LAMA1: variants seen among roughly 807,000 people sequenced by gnomAD.
The protein encoded by LAMA1 is laminin subunit alpha-1.
LAMA1 carries 219 observed loss-of-function variants against 348.7 expected under a neutral mutation model. That is an observed-to-expected ratio of 0.63 (90% confidence interval 0.56 to 0.70). The LOEUF (loss-of-function observed/expected upper bound fraction) is 0.70, where lower values mean the gene tolerates loss of function less well. Among genes scored for constraint, LAMA1 ranks in the 30% least tolerant of loss-of-function variants. The pLI is 0.00. For missense variants in LAMA1, 3,744 were observed against 3,888.0 expected, an observed-to-expected ratio of 0.96 and a Z score of 0.99; for synonymous variants, 1,487 against 1,491.0, an observed-to-expected ratio of 1.00 and a Z score of 0.06.
intron 3 of LAMA1, among the ~76,000 whole-genome samples, chr18:7,076,204 G>A (rs2058167686): frequency 6.6e-6 from 1 of 152,200 alleles, no homozygotes; most frequent in Non-Finnish European, 1.5e-5. Flanking sequence ...GTGTAGCCAT[G>A]CTGTAGATCT....
intron 3 of LAMA1, among the ~76,000 whole-genome samples, chr18:7,054,152 C>T (rs2058072642): frequency 6.6e-6 from 1 of 152,144 alleles, no homozygotes. Context: ...TTGGATTCCA[C>T]TTTCATGTAA....
Position 7,034,540 on chromosome 18 carries a change from C to G in LAMA1, c.1990G>C (p.Ala664Pro). Reference protein sequence around the residue: ...IDRDQLMTVLANVTHLLIRAN... With the variant: ...IDRDQLMTVLPNVTHLLIRAN... ...CTGATCAAAAGATGTGTCACATTGG[C>G]AAGGACAGTCATCAGCTGGTCACGA... Residue 664 changes from alanine to proline, a missense_variant, in exon 14 of 63, where the codon GCC (alanine) becomes CCC (proline). This residue lies in a region of LAMA1 where 1,529 missense variants were observed against 1,689.4 expected (regional missense o/e 0.91). Coordinates refer to ENST00000389658, the MANE Select transcript of LAMA1 (RefSeq NM_005559.4). 2 of 1,614,120 alleles carry G rather than the reference C, an allele frequency of 1.2e-6. No individual in the cohort carries two copies. Among genetic ancestry groups the G allele is most frequent in the Non-Finnish European group, 1.7e-6 (2 of 1,180,040 alleles).
chr18:6,999,698 G>A (rs1413214402), intron 31 of LAMA1, 60 bp from the exon 32 acceptor site: 11 of 1,397,024 alleles, frequency 7.9e-6, no homozygotes, highest in Middle Eastern at 2.0e-4. Context: ...TCTAACTTGC[G>A]ACAGTAATCA....
At chr18:7,066,474 C>G (rs1345696109) in intron 3 of LAMA1, among the ~76,000 whole-genome samples, 1 of 152,106 alleles carries the variant, frequency 6.6e-6, no homozygotes, top group Non-Finnish European at 1.5e-5. Context: ...AAAAGTCTGT[C>G]CAGCCTCTAA....
chr18:7,028,923 G>T (rs114577661), intron 16 of LAMA1, among the ~76,000 whole-genome samples: 1 of 152,152 alleles, frequency 6.6e-6, no homozygotes, highest in Non-Finnish European at 1.5e-5. Flanking sequence ...CCATTTCCCC[G>T]TGTCCCCTTC....
intron 47 of LAMA1, chr18:6,972,248 A>G (rs1183127413): frequency 1.2e-5 from 5 of 424,942 alleles, no homozygotes; most frequent in African/African-American, 1.0e-4. Context: ...TACGAGTGAG[A>G]AAACAGAGAG....
chr18:7,079,032 T>C (rs1287287500), intron 3 of LAMA1, among the ~76,000 whole-genome samples: 1 of 152,078 alleles, frequency 6.6e-6, no homozygotes, highest in East Asian at 1.9e-4. Context: ...TTCCTGCACA[T>C]TTTAAAACTA....
At chr18:7,091,457 A>C (rs2058239391) in intron 1 of LAMA1, among the ~76,000 whole-genome samples, 1 of 152,200 alleles carries the variant, frequency 6.6e-6, no homozygotes, top group African/African-American at 2.4e-5. Flanking sequence ...ATATCCTTTA[A>C]ATACTTAAAA....
At chr18:7,062,442 C>T (rs35742589) in intron 3 of LAMA1, among the ~76,000 whole-genome samples, 49,625 of 151,688 alleles carry the variant, frequency 0.33, 9,147 homozygotes, top group South Asian at 0.49. Context: ...CCAGGGCTGT[C>T]GGCCATCACG....
intron 3 of LAMA1, among the ~76,000 whole-genome samples, chr18:7,057,798 CTTTT>C (rs544422864): frequency 7.5e-6 from 1 of 133,148 alleles, no homozygotes; most frequent in Non-Finnish European, 1.6e-5. Context: ...TTCTTTCTTT[CTTTT>C]TTTTTTTTTT....
chr18:7,113,716 TCCTGAGAAAAACAAACAA>T (rs562794845), intron 1 of LAMA1, among the ~76,000 whole-genome samples: 4 of 151,950 alleles, frequency 2.6e-5, no homozygotes, highest in Non-Finnish European at 4.4e-5. Context: ...TCACACTATT[TCCTGAGAAAAACAAACAA>T]CCTGAGAAAA....
chr18:7,037,113 G>A (rs1004208028), intron 12 of LAMA1, among the ~76,000 whole-genome samples: 5 of 152,180 alleles, frequency 3.3e-5, no homozygotes, highest in African/African-American at 2.4e-5. Context: ...AGCTTCAGAT[G>A]AGCACAGCCT....
intron 1 of LAMA1, among the ~76,000 whole-genome samples, chr18:7,108,640 CAAAAAAAAA>C (rs58802341): frequency 6.7e-4 from 27 of 40,234 alleles, no homozygotes; most frequent in African/African-American, 2.1e-3. Flanking sequence ...GACTCTGTCT[CAAAAAAAAA>C]AAAAAAAAAA....
intron 41 of LAMA1, 54 bp downstream of exon 41, chr18:6,982,443 G>A (rs528594307): frequency 7.0e-7 from 1 of 1,433,526 alleles, no homozygotes; most frequent in East Asian, 2.3e-5. Flanking sequence ...AGGCTGCTCA[G>A]CGAGACGCTC....
At chr18:7,077,417 G>C (rs965809202) in intron 3 of LAMA1, among the ~76,000 whole-genome samples, 14 of 151,948 alleles carry the variant, frequency 9.2e-5, no homozygotes, top group Admixed American at 7.2e-4. Context: ...GTGTTAGCCA[G>C]GATGGTCTCG....
chr18:7,039,998 A>G, intron 10 of LAMA1, 78 bp downstream of exon 10: 1 of 1,535,394 alleles, frequency 6.5e-7, no homozygotes, highest in Non-Finnish European at 9.0e-7. Context: ...AGAACTGATC[A>G]TTGGAGCCAA....
chr18:7,068,033 A>G (rs1343922803), intron 3 of LAMA1, among the ~76,000 whole-genome samples: 1 of 152,094 alleles, frequency 6.6e-6, no homozygotes, highest in Non-Finnish European at 1.5e-5. Flanking sequence ...TTGTATTTTT[A>G]GTAGAGACAG....
At chr18:7,105,441 A>AAAATAAATAAAT (rs762965770) in intron 1 of LAMA1, among the ~76,000 whole-genome samples, 6 of 144,274 alleles carry the variant, frequency 4.2e-5, no homozygotes, top group African/African-American at 1.3e-4. Flanking sequence ...TTCATCTCAA[A>AAAATAAATAAAT]AAATAAATAA....
chr18:7,014,885 T>C (rs1397049881), intron 22 of LAMA1, among the ~76,000 whole-genome samples: 3 of 152,166 alleles, frequency 2.0e-5, no homozygotes, highest in Non-Finnish European at 2.9e-5. Context: ...CTTGCTCTGT[T>C]GCCCAGGCTG....
Sources: gnomAD v4.1 joint callset for allele counts (sites outside exome capture counted in the v4.1 genomes callset) on GRCh38, gnomAD v4.1.1 for gene constraint, gnomAD v4.1.1 regional missense constraint, MANE v1.5 for transcripts, NCBI Gene and HGNC (gene_info 2026-07-23, HGNC 2026-07-21) for gene names.